The following ADCY5 variants were observed in gnomAD, a reference collection of about 807,000 sequenced individuals.
The protein encoded by ADCY5 is adenylate cyclase type 5.
In ADCY5, 30 loss-of-function variants were observed where a neutral mutation model predicts 119.7. That is an observed-to-expected ratio of 0.25 (90% CI 0.19 to 0.34). The LOEUF is 0.34. ADCY5 is among the 10% of genes least tolerant of loss of function. The pLI is 1.00. For missense variants in ADCY5, 1,324 were observed against 1,775.2 expected, an observed-to-expected ratio of 0.75 and a Z score of 4.57; for synonymous variants, 753 against 762.2, an observed-to-expected ratio of 0.99 and a Z score of 0.20.
intron 2 of ADCY5, among the ~76,000 whole-genome samples, chr3:123,349,046 G>T (rs1942707334): frequency 6.6e-6 from 1 of 152,048 alleles, no homozygotes; most frequent in Admixed American, 6.5e-5. Context: ...CATGGCCAAG[G>T]TTCCCACTAT....
At chr3:123,319,583 G>A (rs1039443459) in intron 10 of ADCY5, 91 bp downstream of exon 10, 13 of 1,495,598 alleles carry the variant, frequency 8.7e-6, no homozygotes, top group Non-Finnish European at 1.2e-5. Flanking sequence ...CCGTGGTGCT[G>A]GGGGCATGAG....
At chr3:123,350,392 C>T (rs774891398) in intron 2 of ADCY5, among the ~76,000 whole-genome samples, 2 of 152,236 alleles carry the variant, frequency 1.3e-5, no homozygotes, top group Non-Finnish European at 2.9e-5. Context: ...GCAGGAAACA[C>T]GACCACCAAA....
rs932754598 is a variant in ADCY5 at position 123,283,722 on chromosome 3, C to T, written c.*886G>A. 3.3e-5 allele frequency: 5 copies of T among 152,246 alleles called. No individual in the cohort carries two copies. Among genetic ancestry groups the T allele is most frequent in the East Asian group, 3.9e-4 (2 of 5,182 alleles). 9.4% of individuals were successfully genotyped at this position (152,246 alleles called of 1,614,324 possible). On this transcript the variant is annotated 3_prime_UTR_variant, in exon 21 of 21. Coordinates refer to ENST00000462833, the MANE Select transcript of ADCY5 (RefSeq NM_183357.3). ...TACACACAGTACAAATGAGCACACC[C>T]GCCCTGCTGTGCACAGCTGTTTTCT...
intron 14 of ADCY5, among the ~76,000 whole-genome samples, chr3:123,301,885 TGGA>T (rs1000747426): frequency 1.5e-5 from 2 of 131,016 alleles, no homozygotes; most frequent in Non-Finnish European, 3.1e-5. Flanking sequence ...CATGGCTGCC[TGGA>T]GGAGACAGAG....
At chr3:123,424,765 TGCGCGCATGCACGCAC>T (rs1391674833) in intron 1 of ADCY5, among the ~76,000 whole-genome samples, 1 of 152,174 alleles carries the variant, frequency 6.6e-6, no homozygotes, top group African/African-American at 2.4e-5. Context: ...TGTGTGTGTG[TGCGCGCATGCACGCAC>T]GCGCGCATGT....
chr3:123,420,756 T>C (rs1429368133), intron 1 of ADCY5, among the ~76,000 whole-genome samples: 1 of 152,172 alleles, frequency 6.6e-6, no homozygotes, highest in East Asian at 1.9e-4. Flanking sequence ...TGCAGCAAAA[T>C]TCCCCAACTC....
intron 12 of ADCY5, among the ~76,000 whole-genome samples, chr3:123,306,699 C>G (rs995182863): frequency 6.6e-6 from 1 of 152,184 alleles, no homozygotes; most frequent in Admixed American, 6.5e-5. Context: ...CTCAAAAAAT[C>G]AAGCATAGAA....
intron 1 of ADCY5, among the ~76,000 whole-genome samples, chr3:123,435,158 G>C (rs1332076805): frequency 6.6e-6 from 1 of 152,108 alleles, no homozygotes; most frequent in Non-Finnish European, 1.5e-5. Flanking sequence ...GGTGGCGCAT[G>C]CCTATAGTCC....
intron 1 of ADCY5, among the ~76,000 whole-genome samples, chr3:123,412,555 A>G (rs1297376114): frequency 6.6e-6 from 1 of 152,150 alleles, no homozygotes; most frequent in Non-Finnish European, 1.5e-5. Flanking sequence ...GCGGTGGCAG[A>G]TAGAGCTCGG....
rs1938429891 is a variant in ADCY5, at chr3:123,282,363, A to G, written c.*2245T>C. On this transcript the variant is annotated 3_prime_UTR_variant, in exon 21 of 21. Transcript: ENST00000462833. ...TTTTCAATTTCCATGGGAAATCATA[A>G]TCGTATCTGTTTTTGCAAGAGTAGG... 6.6e-6 allele frequency: 1 copy of G among 152,192 alleles called. No individual in the cohort carries two copies. The highest frequency in any genetic ancestry group is 1.5e-5 in the Non-Finnish European group (1 of 68,048). 9.4% of individuals were successfully genotyped at this position (152,192 alleles called of 1,614,324 possible).
At chr3:123,332,526 G>T in intron 4 of ADCY5, 38 bp downstream of exon 4, 1 of 1,508,602 alleles carries the variant, frequency 6.6e-7, no homozygotes. Context: ...CAACAGCCCA[G>T]GTCAGGCCAC....
chr3:123,376,520 G>C (rs905577104), intron 1 of ADCY5, among the ~76,000 whole-genome samples: 4 of 152,082 alleles, frequency 2.6e-5, no homozygotes, highest in Non-Finnish European at 4.4e-5. Flanking sequence ...TAGAAGGAGG[G>C]GACACCTATT....
At chr3:123,410,676 C>G (rs1048308238) in intron 1 of ADCY5, among the ~76,000 whole-genome samples, 2 of 152,090 alleles carry the variant, frequency 1.3e-5, no homozygotes, top group African/African-American at 4.8e-5. Context: ...TAGAATCTCA[C>G]TAGCTCTGTC....
In ADCY5 at chr3:123,448,518, G is replaced by C; in HGVS notation, c.28C>G (p.Pro10Ala). 7.9e-7 allele frequency: 1 copy of C among 1,264,974 alleles called. No individual in the cohort carries two copies. The highest frequency in any genetic ancestry group is 2.9e-5 in the South Asian group (1 of 34,938). 78.4% of individuals were successfully genotyped at this position (1,264,974 alleles called of 1,614,324 possible). Residue 10 changes from proline (P) to alanine (A), a missense_variant, in exon 1 of 21, where the codon CCG becomes GCG. This residue lies in a region of ADCY5 where 585 missense variants were observed against 569.9 expected (regional missense o/e 1.03). Coordinates refer to ENST00000462833, the MANE Select transcript of ADCY5 (RefSeq NM_183357.3). MSGSKSVSP[P>A]GYAAQKTAAP... ...GCAGTCTTCTGCGCCGCGTAGCCCG[G>C]GGGGCTCACGCTTTTGGAGCCGGAC...
intron 1 of ADCY5, among the ~76,000 whole-genome samples, chr3:123,439,076 C>CTTTTTTTCTTTTTTTT (rs1945675917): frequency 1.5e-5 from 1 of 64,728 alleles, no homozygotes. Flanking sequence ...CCCTAAAGTG[C>CTTTTTTTCTTTTTTTT]TTTTTTTTTT....
Position 123,447,714 on chromosome 3 carries a change from C to A in ADCY5, c.832G>T (p.Val278Phe), listed in dbSNP as rs1199524320. 1 of 1,598,618 alleles carries A rather than the reference C, an allele frequency of 6.3e-7. No individual in the cohort carries two copies. The highest frequency in any genetic ancestry group is 1.1e-5 in the South Asian group (1 of 89,640). The change falls in exon 1 of 21, where the codon GTC becomes TTC. Residue 278 changes from valine (V) to phenylalanine (F), a missense_variant. Physicochemically the swap from Val to Phe is conservative, Grantham distance 50. Around this residue, in one of 6 missense-constraint regions of ADCY5, gnomAD observed 585 missense variants for 569.9 expected, o/e 1.03. Transcript: ENST00000462833. ...LPYLAVLAAA[V>F]GVILIMAVLC... ...ACAGCCATGATGAGGATCACGCCGA[C>A]GGCGGCCGCCAGCACGGCCAGGTAG... is the stretch of plus-strand genomic sequence containing the variant.
At chr3:123,394,483 G>A (rs1054976199) in intron 1 of ADCY5, among the ~76,000 whole-genome samples, 1 of 152,194 alleles carries the variant, frequency 6.6e-6, no homozygotes, top group Admixed American at 6.5e-5. Flanking sequence ...TGAACCAGAA[G>A]TGATCATCTC....
rs192387174 is a variant in ADCY5, at chr3:123,408,311, G to C, written c.1134+39101C>G. Among the ~76,000 whole-genome samples, 9 of 151,378 alleles carry C rather than the reference G, an allele frequency of 5.9e-5. No individual in the cohort carries two copies. The East Asian group carries it at 1.7e-3, about 29-fold the overall frequency. On this transcript the variant is annotated intron_variant, in intron 1 of 20. Transcript: ENST00000462833. ...CAAAAGACATTCATTTGTACACTCA[G>C]CAAGAAAATTAGCATACAAATGTTA...
intron 1 of ADCY5, among the ~76,000 whole-genome samples, chr3:123,417,736 T>TCACCTCACCTCTCTGGGC (rs1945218002): frequency 1.3e-5 from 2 of 152,234 alleles, no homozygotes; most frequent in Non-Finnish European, 2.9e-5. Flanking sequence ...TGACCCTGGG[T>TCACCTCACCTCTCTGGGC]GGTCACCTCA....
Sources: allele counts gnomAD v4.1 joint callset (sites outside exome capture counted in the v4.1 genomes callset), GRCh38; gene constraint gnomAD v4.1.1; regional missense constraint gnomAD v4.1.1; transcripts MANE v1.5; gene names NCBI Gene and HGNC (gene_info 2026-07-23, HGNC 2026-07-21).